GARIN1A: variants seen among roughly 807,000 people sequenced by gnomAD.
GARIN1A encodes the protein golgi associated RAB2 interactor 1A, also known as Golgi-associated RAB2 interactor protein 1A.
At chr7:128,680,105 C>A in the GARIN1A span, 1 of 1,576,302 alleles carries the variant, frequency 6.3e-7, no homozygotes, top group African/African-American at 1.3e-5. Context: ...AGACCAGTGG[C>A]AGTTTCTCAC....
the GARIN1A span, chr7:128,677,516 A>AAAAAG: frequency 2.0e-5 from 30 of 1,465,236 alleles, no homozygotes; most frequent in African/African-American, 8.7e-5. Flanking sequence ...AAAAAAAAAA[A>AAAAAG]AAAAGAAACC....
chr7:128,674,608 G>A, the GARIN1A span, among the ~76,000 whole-genome samples: 2 of 152,158 alleles, frequency 1.3e-5, no homozygotes, highest in Non-Finnish European at 2.9e-5. Flanking sequence ...TTTGTGTTTT[G>A]CAGAGGATAT....
the GARIN1A span, chr7:128,683,253 G>A: frequency 2.1e-6 from 2 of 946,466 alleles, no homozygotes; most frequent in Non-Finnish European, 3.0e-6. Flanking sequence ...GACCTTGGGA[G>A]AGGTAAGATG....
the GARIN1A span, among the ~76,000 whole-genome samples, chr7:128,689,070 C>G: frequency 8.6e-5 from 13 of 151,896 alleles, no homozygotes; most frequent in Non-Finnish European, 1.5e-4. Flanking sequence ...CCCGAGGTGC[C>G]GGGATTGCAG....
the GARIN1A span, among the ~76,000 whole-genome samples, chr7:128,681,677 AT>A: frequency 2.0e-5 from 3 of 151,518 alleles, no homozygotes; most frequent in Admixed American, 2.0e-4. Flanking sequence ...AATTTTTTAA[AT>A]TTTTAGTAGA....
At chr7:128,683,245 C>A in the GARIN1A span, 1 of 1,054,622 alleles carries the variant, frequency 9.5e-7, no homozygotes, top group Non-Finnish European at 1.3e-6. Context: ...AGCCAAGTGA[C>A]CTTGGGAGAG....
At chr7:128,696,690 C>T in the GARIN1A span, among the ~76,000 whole-genome samples, 3 of 152,112 alleles carry the variant, frequency 2.0e-5, no homozygotes, top group Non-Finnish European at 2.9e-5. Context: ...GATTCTAGGT[C>T]AATGAGTCCC....
At chr7:128,674,560 A>G in the GARIN1A span, among the ~76,000 whole-genome samples, 1 of 152,166 alleles carries the variant, frequency 6.6e-6, no homozygotes, top group African/African-American at 2.4e-5. Context: ...ATTACCCACA[A>G]ACATTTATTG....
the GARIN1A span, among the ~76,000 whole-genome samples, chr7:128,679,749 A>G: frequency 1.3e-5 from 2 of 152,150 alleles, no homozygotes; most frequent in Non-Finnish European, 2.9e-5. Flanking sequence ...ATTGACTCTG[A>G]AGGTCAGCAG....
chr7:128,679,279 G>T, the GARIN1A span, among the ~76,000 whole-genome samples: 1 of 151,420 alleles, frequency 6.6e-6, no homozygotes, highest in African/African-American at 2.4e-5. Flanking sequence ...TGAAACCTCC[G>T]CCTCCCAGGT....
the GARIN1A span, among the ~76,000 whole-genome samples, chr7:128,706,485 ATCTC>A: frequency 1.7e-4 from 26 of 149,406 alleles, no homozygotes; most frequent in African/African-American, 3.4e-4. Flanking sequence ...ATATATCTCC[ATCTC>A]TCTCTCTCTC....
At chr7:128,674,390 G>T in the GARIN1A span, among the ~76,000 whole-genome samples, 1 of 152,190 alleles carries the variant, frequency 6.6e-6, no homozygotes, top group Non-Finnish European at 1.5e-5. Context: ...CTCCCAAAGT[G>T]CTGGGATTAT....
chr7:128,684,699 TACA>T, the GARIN1A span: 1 of 151,020 alleles, frequency 6.6e-6, no homozygotes, highest in African/African-American at 2.4e-5. Context: ...CCCTGGCTCA[TACA>T]ACATTTCATT....
the GARIN1A span, among the ~76,000 whole-genome samples, chr7:128,701,117 A>G: frequency 6.6e-6 from 1 of 151,378 alleles, no homozygotes; most frequent in Non-Finnish European, 1.5e-5. Context: ...ACCCACCCAT[A>G]TGGAGAGTAA....
At chr7:128,681,410 C>T in the GARIN1A span, among the ~76,000 whole-genome samples, 3 of 150,392 alleles carry the variant, frequency 2.0e-5, no homozygotes, top group Admixed American at 1.3e-4. Flanking sequence ...TTCTTTCTCT[C>T]GTTTCTTTCT....
the GARIN1A span, among the ~76,000 whole-genome samples, chr7:128,701,202 T>A: frequency 2.0e-5 from 3 of 150,954 alleles, no homozygotes; most frequent in Non-Finnish European, 4.4e-5. Flanking sequence ...GGGTCAACTG[T>A]ATTCCATAGA....
At chr7:128,674,176 A>G in the GARIN1A span, among the ~76,000 whole-genome samples, 1 of 152,120 alleles carries the variant, frequency 6.6e-6, no homozygotes, top group Non-Finnish European at 1.5e-5. Context: ...CTTTGGCCTA[A>G]TATTAAAACT....
At chr7:128,689,786 T>TGG in the GARIN1A span, among the ~76,000 whole-genome samples, 1 of 73,890 alleles carries the variant, frequency 1.4e-5, no homozygotes, top group Admixed American at 1.4e-4. Flanking sequence ...GGGAGGGAGG[T>TGG]GGGGGGTCAG....
the GARIN1A span, chr7:128,677,649 T>TA: frequency 6.2e-7 from 1 of 1,613,782 alleles, no homozygotes; most frequent in East Asian, 2.2e-5. Flanking sequence ...CGAAAAGATC[T>TA]ACTATCTGAA....
Sources: gnomAD v4.1 joint callset for allele counts (sites outside exome capture counted in the v4.1 genomes callset) on GRCh38, gnomAD v4.1.1 for gene constraint, MANE v1.5 for transcripts, NCBI Gene and HGNC (gene_info 2026-07-23, HGNC 2026-07-21) for gene names.